The following FIG4 variants were observed in gnomAD, a reference collection of about 807,000 sequenced individuals.
The protein encoded by FIG4 is FIG4 phosphoinositide 5-phosphatase, also known as polyphosphoinositide phosphatase.
FIG4 carries 112 observed loss-of-function variants against 118.6 expected under a neutral mutation model. The observed-to-expected ratio is 0.94, with a 90% CI of 0.81 to 1.11. FIG4 has a LOEUF of 1.11. FIG4 is among the 50% of genes least tolerant of loss of function. The pLI is 0.00. For missense variants in FIG4, 969 were observed against 1,111.7 expected (o/e 0.87, Z 1.83); for synonymous variants, 369 against 381.2 (o/e 0.97, Z 0.37).
Position 109,824,387 on chromosome 6 carries a change from C to T in FIG4, c.2547-701C>T, listed in dbSNP as rs577000833. Among the ~76,000 whole-genome samples, 3 of 152,282 alleles carry T rather than the reference C, an allele frequency of 2.0e-5. No individual in the cohort carries two copies. In the South Asian group the frequency reaches 6.2e-4, roughly 32 times the overall value. ...TTGGAGGCCATGTCCAATAGTTAGA[C>T]ACATTAATATTCACGGGAAGTGGGG... is the stretch of plus-strand genomic sequence containing the variant. On this transcript the variant is annotated intron_variant, in intron 22 of 22. Transcript: ENST00000230124.
chr6:109,770,804 TG>T (rs1306730478), intron 15 of FIG4, among the ~76,000 whole-genome samples: 2 of 152,160 alleles, frequency 1.3e-5, no homozygotes, highest in African/African-American at 4.8e-5. Context: ...TCCAAAATTG[TG>T]GATTACATTT....
At chr6:109,762,032 G>A (rs1777122752) in intron 11 of FIG4, 59 bp from the exon 12 acceptor site, 3 of 965,738 alleles carry the variant, frequency 3.1e-6, no homozygotes, top group Non-Finnish European at 3.4e-6. Context: ...TTAGATATAA[G>A]GATAAATATA....
chr6:109,715,247 A>G lies in FIG4; in HGVS notation c.165+71A>G, dbSNP rs1775394812. 3.1e-5 allele frequency: 24 copies of G among 768,608 alleles called. No homozygotes were observed. In the South Asian group the frequency reaches 3.5e-4, roughly 11 times the overall value. The allele number at this position is 768,608 out of a possible 1,614,324, so 47.6% of individuals were successfully genotyped here. ...TGTTTAAAGGACATGAAATATCCTT[A>G]CAGTTTTTAGTGATATATTATTTTT... On this transcript the variant is annotated intron_variant, in intron 2 of 22. Coordinates refer to ENST00000230124, the MANE Select transcript of FIG4 (RefSeq NM_014845.6).
intron 3 of FIG4, among the ~76,000 whole-genome samples, chr6:109,720,431 T>A (rs1231863826): frequency 6.6e-6 from 1 of 152,228 alleles, no homozygotes; most frequent in East Asian, 1.9e-4. Flanking sequence ...GAAAATATTT[T>A]TGGTGGAATG....
intron 21 of FIG4, among the ~76,000 whole-genome samples, chr6:109,796,265 A>G (rs1336029623): frequency 6.6e-6 from 1 of 152,098 alleles, no homozygotes; most frequent in Non-Finnish European, 1.5e-5. Context: ...TCCAGAGGAA[A>G]CCTAGTCTGT....
intron 1 of FIG4, among the ~76,000 whole-genome samples, chr6:109,707,395 A>C: frequency 6.7e-6 from 1 of 148,370 alleles, no homozygotes; most frequent in East Asian, 1.9e-4. Context: ...ACACATATGT[A>C]TACATACATA....
chr6:109,817,799 C>T (rs1437031545), intron 22 of FIG4, among the ~76,000 whole-genome samples: 1 of 152,088 alleles, frequency 6.6e-6, no homozygotes, highest in Admixed American at 6.5e-5. Flanking sequence ...TGGGAGCTTG[C>T]TCCTGGTTAA....
chr6:109,815,635 G>A (rs1254175012), intron 22 of FIG4, among the ~76,000 whole-genome samples: 1 of 151,786 alleles, frequency 6.6e-6, no homozygotes, highest in African/African-American at 2.4e-5. Context: ...GTGGAGAAGG[G>A]GAAGAGCACG....
At chr6:109,735,441 T>C (rs1776133283) in intron 6 of FIG4, 143 bp downstream of exon 6, 1 of 755,908 alleles carries the variant, frequency 1.3e-6, no homozygotes. Flanking sequence ...ATATGTGAAG[T>C]TGATCAATTC....
At chr6:109,801,993 A>C (rs1200682413) in intron 22 of FIG4, among the ~76,000 whole-genome samples, 1 of 152,200 alleles carries the variant, frequency 6.6e-6, no homozygotes, top group East Asian at 1.9e-4. Flanking sequence ...TTTAAGGATT[A>C]GAGCAGCTTG....
At chr6:109,722,805 G>T (rs1775650729) in intron 3 of FIG4, among the ~76,000 whole-genome samples, 1 of 152,074 alleles carries the variant, frequency 6.6e-6, no homozygotes, top group South Asian at 2.1e-4. Flanking sequence ...TCGGTGCTTG[G>T]TTGAAGGAAG....
chr6:109,755,059 C>G (rs1375061245), intron 10 of FIG4, among the ~76,000 whole-genome samples: 3 of 151,940 alleles, frequency 2.0e-5, no homozygotes, highest in Admixed American at 6.6e-5. Context: ...TTCCTTCTTT[C>G]TCTTGTGGGC....
At chr6:109,815,255 A>G (rs1778828690) in intron 22 of FIG4, among the ~76,000 whole-genome samples, 1 of 151,326 alleles carries the variant, frequency 6.6e-6, no homozygotes, top group Non-Finnish European at 1.5e-5. Flanking sequence ...TCAGGCTCTG[A>G]CTCCACTCAT....
intron 3 of FIG4, among the ~76,000 whole-genome samples, chr6:109,726,304 A>T (rs1473200252): frequency 6.6e-6 from 1 of 152,196 alleles, no homozygotes; most frequent in Non-Finnish European, 1.5e-5. Flanking sequence ...GTCCAGTTTC[A>T]GTTTTCTGCA....
rs574002828 is a variant in FIG4, at chr6:109,691,392, C to G, written c.-44C>G. On this transcript the variant is annotated 5_prime_UTR_variant, in exon 1 of 23. Transcript: ENST00000230124. ...TTCTCGCCGAGTCTCCTGGGGCGGT[C>G]CGGAGGCTCGTGCCCTGTTGTGGGG... The G allele has an allele frequency of 2.0e-5, 31 of 1,532,802 alleles. No homozygotes were observed. In the South Asian group the frequency reaches 3.3e-4, roughly 16 times the overall value. 95.0% of individuals were successfully genotyped at this position (1,532,802 alleles called of 1,614,324 possible). A position where few individuals can be genotyped will look rare whatever the true frequency, so the allele number is the denominator to read the frequency against.
chr6:109,757,711 A>T (rs1214536987), intron 10 of FIG4, among the ~76,000 whole-genome samples: 1 of 152,024 alleles, frequency 6.6e-6, no homozygotes, highest in Non-Finnish European at 1.5e-5. Context: ...TATTTAGAAA[A>T]CCCCATCATC....
At chr6:109,809,833 A>G (rs1778671277) in intron 22 of FIG4, among the ~76,000 whole-genome samples, 1 of 152,182 alleles carries the variant, frequency 6.6e-6, no homozygotes, top group Admixed American at 6.5e-5. Flanking sequence ...AAGATAATTT[A>G]TTATCTTACT....
intron 10 of FIG4, 101 bp downstream of exon 10, chr6:109,743,873 G>T: frequency 1.2e-6 from 1 of 836,976 alleles, no homozygotes; most frequent in Non-Finnish European, 2.1e-6. Flanking sequence ...CCTCTTCCTA[G>T]TGGAGAGACG....
At chr6:109,764,443 G>GAAAAAAAA in intron 13 of FIG4, among the ~76,000 whole-genome samples, 1 of 128,834 alleles carries the variant, frequency 7.8e-6, no homozygotes, top group Non-Finnish European at 1.7e-5. Flanking sequence ...GTCTCAGAAA[G>GAAAAAAAA]AAAAAAAAAA....
Sources: gnomAD v4.1 joint callset for allele counts (sites outside exome capture counted in the v4.1 genomes callset) on GRCh38, gnomAD v4.1.1 for gene constraint, MANE v1.5 for transcripts, NCBI Gene and HGNC (gene_info 2026-07-23, HGNC 2026-07-21) for gene names.